LOC400499: variants seen among roughly 807,000 people sequenced by gnomAD.
chr16:11,527,307 G>A, the LOC400499 span, among the ~76,000 whole-genome samples: 1 of 152,144 alleles, frequency 6.6e-6, no homozygotes, highest in Non-Finnish European at 1.5e-5. Flanking sequence ...AGGGTAGAAG[G>A]GGAGGTGGGG....
At chr16:11,448,044 A>T in the LOC400499 span, 9 of 1,535,654 alleles carry the variant, frequency 5.9e-6, no homozygotes, top group Non-Finnish European at 7.0e-6. Flanking sequence ...CAATCCGCAC[A>T]GCCGTGAGCG....
At chr16:11,421,545 G>A in the LOC400499 span, among the ~76,000 whole-genome samples, 5 of 152,092 alleles carry the variant, frequency 3.3e-5, no homozygotes, top group African/African-American at 1.2e-4. Context: ...GGGATTATAC[G>A]CATGCGCCAC....
chr16:11,374,508 C>T, the LOC400499 span, among the ~76,000 whole-genome samples: 1 of 152,218 alleles, frequency 6.6e-6, no homozygotes, highest in East Asian at 1.9e-4. Context: ...CAGCTCCCGG[C>T]AGCCACCACT....
the LOC400499 span, chr16:11,456,896 C>A: frequency 1.3e-6 from 2 of 1,536,114 alleles, no homozygotes; most frequent in African/African-American, 1.4e-5. Flanking sequence ...ATGTGTCCTT[C>A]CACTGCCCGC....
the LOC400499 span, among the ~76,000 whole-genome samples, chr16:11,514,900 G>A: frequency 0.6 from 90,315 of 151,788 alleles, 27,349 homozygotes; most frequent in Admixed American, 0.66. Context: ...ACTTTTGATA[G>A]TAAGTGAACA....
At chr16:11,494,333 C>T in the LOC400499 span, among the ~76,000 whole-genome samples, 2 of 142,088 alleles carry the variant, frequency 1.4e-5, no homozygotes, top group South Asian at 2.4e-4. Flanking sequence ...TCACCCCACC[C>T]CCACTCAGTG....
the LOC400499 span, among the ~76,000 whole-genome samples, chr16:11,464,222 A>G: frequency 6.6e-6 from 1 of 152,226 alleles, no homozygotes; most frequent in Admixed American, 6.5e-5. Flanking sequence ...ATATACAGAC[A>G]CACCCTTCTC....
the LOC400499 span, among the ~76,000 whole-genome samples, chr16:11,427,282 AG>A: frequency 3.6e-5 from 5 of 137,680 alleles, no homozygotes; most frequent in African/African-American, 1.3e-4. Context: ...AGAATCGCAG[AG>A]GTTGCGGTAA....
At chr16:11,392,340 C>G in the LOC400499 span, 1 of 398,932 alleles carries the variant, frequency 2.5e-6, no homozygotes, top group Admixed American at 4.4e-5. Context: ...AGCAGGCCCC[C>G]CTGGCAGCCG....
the LOC400499 span, among the ~76,000 whole-genome samples, chr16:11,387,962 G>A: frequency 2.6e-4 from 40 of 152,258 alleles, no homozygotes; most frequent in African/African-American, 9.6e-4. Context: ...GGGGAGGACT[G>A]GAACTTTCTC....
the LOC400499 span, chr16:11,519,087 G>C: frequency 1.3e-5 from 5 of 397,272 alleles, no homozygotes; most frequent in African/African-American, 8.2e-5. Context: ...CCATGTTGGG[G>C]GCAAGGCAGA....
At chr16:11,452,451 A>G in the LOC400499 span, among the ~76,000 whole-genome samples, 2 of 152,180 alleles carry the variant, frequency 1.3e-5, no homozygotes, top group Non-Finnish European at 2.9e-5. Context: ...AGAGCTGACC[A>G]CACGCGGGGT....
chr16:11,488,615 C>A, the LOC400499 span: 1 of 395,112 alleles, frequency 2.5e-6, no homozygotes, highest in Non-Finnish European at 4.5e-6. Context: ...CTTGACACAA[C>A]GTCTGATCCA....
chr16:11,484,949 G>C, the LOC400499 span: 1 of 399,492 alleles, frequency 2.5e-6, no homozygotes, highest in East Asian at 3.6e-5. Flanking sequence ...CTGTGGTGCA[G>C]GCCCTGGTTC....
At chr16:11,406,089 G>T in the LOC400499 span, among the ~76,000 whole-genome samples, 2 of 150,602 alleles carry the variant, frequency 1.3e-5, no homozygotes, top group Non-Finnish European at 2.9e-5. Flanking sequence ...GTAATGGTGG[G>T]GACTGGGCTT....
the LOC400499 span, among the ~76,000 whole-genome samples, chr16:11,507,988 C>T: frequency 1.3e-5 from 2 of 152,182 alleles, no homozygotes; most frequent in Admixed American, 6.5e-5. Context: ...TGTCCATGTC[C>T]TAAGCCCTGG....
At chr16:11,500,276 G>C in the LOC400499 span, among the ~76,000 whole-genome samples, 1 of 152,080 alleles carries the variant, frequency 6.6e-6, no homozygotes, top group African/African-American at 2.4e-5. Flanking sequence ...GGGAGGCTGA[G>C]GTGGGTGGAT....
At chr16:11,463,671 ATG>A in the LOC400499 span, among the ~76,000 whole-genome samples, 2 of 152,104 alleles carry the variant, frequency 1.3e-5, no homozygotes, top group South Asian at 2.1e-4. Flanking sequence ...ATGTGTATGG[ATG>A]TGTGTGTACG....
chr16:11,462,181 C>T, the LOC400499 span: 6 of 1,534,510 alleles, frequency 3.9e-6, no homozygotes, highest in Non-Finnish European at 5.2e-6. Context: ...GCTTGCTGCC[C>T]ACCTGCCGTG....
Sources: gnomAD v4.1 joint callset for allele counts (sites outside exome capture counted in the v4.1 genomes callset) on GRCh38, gnomAD v4.1.1 for gene constraint, MANE v1.5 for transcripts.